Variants in CACNB4 observed in about 807,000 individuals in gnomAD.
CACNB4 encodes the protein voltage-dependent L-type calcium channel subunit beta-4.
Under a neutral mutation model 71.2 loss-of-function variants are expected in CACNB4, and 32 were observed. The ratio of observed to expected loss-of-function variants is 0.45; its 90% CI spans 0.34 to 0.60. CACNB4 has a LOEUF of 0.60. Ranked by LOEUF, CACNB4 falls within the 20% of genes least tolerant of loss-of-function variation. The pLI is 0.01. For missense variants in CACNB4, 464 were observed against 647.9 expected (o/e 0.72, Z 3.08); for synonymous variants, 231 against 236.9 (o/e 0.97, Z 0.23).
chr2:151,960,701 C>T (rs936452977), intron 2 of CACNB4, among the ~76,000 whole-genome samples: 9 of 152,198 alleles, frequency 5.9e-5, no homozygotes, highest in African/African-American at 2.2e-4. Context: ...TTTCTGCACT[C>T]AGGATTCCAG....
intron 2 of CACNB4, among the ~76,000 whole-genome samples, chr2:152,035,651 C>CTCTCTCTCTCTCTATATATA (rs796161186): frequency 1.0e-4 from 12 of 118,076 alleles, no homozygotes; most frequent in African/African-American, 3.6e-4. Flanking sequence ...CTCTCTCTCT[C>CTCTCTCTCTCTCTATATATA]TATATATATA....
At chr2:152,021,707 A>G (rs544265809) in intron 2 of CACNB4, among the ~76,000 whole-genome samples, 1 of 152,346 alleles carries the variant, frequency 6.6e-6, no homozygotes, top group South Asian at 2.1e-4. Context: ...TTAGATTTAG[A>G]CTTCACAGAA....
intron 2 of CACNB4, among the ~76,000 whole-genome samples, chr2:151,948,710 T>C (rs1372666340): frequency 2.0e-5 from 3 of 151,916 alleles, no homozygotes; most frequent in Non-Finnish European, 4.4e-5. Flanking sequence ...GAAGCAGCAG[T>C]TCCTGCCAAG....
chr2:151,897,149 C>T (rs1327752079), intron 2 of CACNB4, among the ~76,000 whole-genome samples: 2 of 152,230 alleles, frequency 1.3e-5, no homozygotes, highest in African/African-American at 4.8e-5. Context: ...CTCTCCAAAG[C>T]TCTTTCGAGG....
chr2:151,909,237 C>G (rs954065509), intron 2 of CACNB4, among the ~76,000 whole-genome samples: 1 of 150,878 alleles, frequency 6.6e-6, no homozygotes, highest in African/African-American at 2.4e-5. Context: ...TCAAGACCAG[C>G]CTGGCCAACG....
intron 2 of CACNB4, chr2:151,972,339 G>A (rs1392106304): frequency 6.6e-6 from 1 of 152,238 alleles, no homozygotes; most frequent in Non-Finnish European, 1.5e-5. Flanking sequence ...AGTGAGCAGA[G>A]AAGGGGTAGA....
Position 152,098,242 on chromosome 2 carries a change from C to T in CACNB4, c.147+88G>A. 2.9e-6 allele frequency: 3 copies of T among 1,051,950 alleles called. No individual in the cohort carries two copies. The highest frequency in any genetic ancestry group is 4.4e-6 in the Non-Finnish European group (3 of 681,936). The allele number at this position is 1,051,950 out of a possible 1,614,324, so 65.2% of individuals were successfully genotyped here. A position where few individuals can be genotyped will look rare whatever the true frequency, so the allele number is the denominator to read the frequency against. On this transcript the variant is annotated intron_variant, in intron 2 of 13. Coordinates refer to ENST00000539935, the MANE Select transcript of CACNB4 (RefSeq NM_000726.5). The surrounding 1 kb of genome is among the most constrained non-coding windows in gnomAD (Gnocchi z 5.3). ...GCGCGCGGGCTTGACCCGCAGCTCC[C>T]GCACGTGTGGGCCACGGCCGGCTCC...
chr2:152,065,234 A>G (rs1686243921), intron 2 of CACNB4, among the ~76,000 whole-genome samples: 1 of 152,100 alleles, frequency 6.6e-6, no homozygotes, highest in Non-Finnish European at 1.5e-5. Flanking sequence ...AATACCAAAA[A>G]TTAGCTGGGT....
chr2:151,918,826 C>T (rs561410488), intron 2 of CACNB4, among the ~76,000 whole-genome samples: 3 of 152,224 alleles, frequency 2.0e-5, no homozygotes, highest in African/African-American at 7.2e-5. Flanking sequence ...GGCAGCACAT[C>T]CAGAGATGCA....
chr2:152,030,618 C>T (rs1684233497), intron 2 of CACNB4, among the ~76,000 whole-genome samples: 1 of 152,136 alleles, frequency 6.6e-6, no homozygotes, highest in South Asian at 2.1e-4. Flanking sequence ...ACTTGACAGG[C>T]CCCAGTGTGT....
At chr2:152,032,246 C>T (rs961160956) in intron 2 of CACNB4, among the ~76,000 whole-genome samples, 3 of 152,100 alleles carry the variant, frequency 2.0e-5, no homozygotes, top group African/African-American at 7.2e-5. Context: ...CTTTGCTCCA[C>T]GGATAAGAAA....
Position 151,950,076 on chromosome 2 carries a change from A to G in CACNB4, c.148-66706T>C, listed in dbSNP as rs753332111. 1.6e-4 allele frequency among the ~76,000 whole-genome samples: 24 copies of G among 152,108 alleles called. No homozygotes were observed. In the South Asian group the frequency reaches 1.9e-3, roughly 12 times the overall value. On this transcript the variant is annotated intron_variant, in intron 2 of 13. Coordinates refer to ENST00000539935, the MANE Select transcript of CACNB4 (RefSeq NM_000726.5). ...AAATAAAAAATAAAATAAAAATAGA[A>G]AATAGTCTTCTGAGAGGAAACCACC...
At chr2:151,943,418 A>G (rs533943502) in intron 2 of CACNB4, among the ~76,000 whole-genome samples, 223 of 152,324 alleles carry the variant, frequency 1.5e-3, no homozygotes, top group Non-Finnish European at 2.3e-3. Context: ...ACACTCACAC[A>G]TAAGATGACA....
intron 2 of CACNB4, among the ~76,000 whole-genome samples, chr2:151,920,547 G>C (rs114338543): frequency 6.6e-6 from 1 of 151,692 alleles, no homozygotes; most frequent in Non-Finnish European, 1.5e-5. Context: ...ATGTTTCCCT[G>C]GCTAGTCCTG....
At position 151,883,294 on chromosome 2, in the gene CACNB4, T is replaced by C. The variant is rs768432957; in HGVS notation, c.224A>G (p.Gln75Arg). 38 of 1,613,824 alleles carry C rather than the reference T, an allele frequency of 2.4e-5. No individual in the cohort carries two copies. Among genetic ancestry groups the C allele is most frequent in the Non-Finnish European group, 3.1e-5 (36 of 1,179,816 alleles). ...GATAGCTGCTTGCTGTTCTCTCTCC[T>C]GTCGAATTGCTTCCCGGTCCTCTTC... ...SLEEDREAIRQEREQQAAIQL... is the reference protein window; with the variant it reads ...SLEEDREAIRREREQQAAIQL... Residue 75 changes from glutamine to arginine, a missense_variant, in exon 3 of 14, where the codon CAG becomes CGG. Gln to Arg is a conservative substitution (Grantham distance 43). Coordinates refer to ENST00000539935, the MANE Select transcript of CACNB4 (RefSeq NM_000726.5).
Position 151,982,447 on chromosome 2 carries a change from C to A in CACNB4, c.148-99077G>T, listed in dbSNP as rs932750962. ...AGGAGATTTAGACCATCCTGGCTAA[C>A]ACAGTGAAACCCTGTCTCTACTAAA... On this transcript the variant is annotated intron_variant, in intron 2 of 13. Coordinates refer to ENST00000539935, the MANE Select transcript of CACNB4 (RefSeq NM_000726.5). Among the ~76,000 whole-genome samples, 6 of 152,096 alleles carry A rather than the reference C, an allele frequency of 3.9e-5. No homozygotes were observed. In the East Asian group the frequency reaches 1.2e-3, roughly 30 times the overall value.
intron 2 of CACNB4, among the ~76,000 whole-genome samples, chr2:151,933,639 A>G (rs1419187467): frequency 6.6e-6 from 1 of 152,050 alleles, no homozygotes; most frequent in Non-Finnish European, 1.5e-5. Context: ...TACTACTTCT[A>G]CTCAGGCTCC....
chr2:151,845,148 T>C (rs1465987143), intron 12 of CACNB4, among the ~76,000 whole-genome samples: 3 of 152,200 alleles, frequency 2.0e-5, no homozygotes, highest in Non-Finnish European at 4.4e-5. Context: ...GCACATTTAA[T>C]TGCCATAAGT....
chr2:151,949,723 G>A (rs1450406691), intron 2 of CACNB4, among the ~76,000 whole-genome samples: 1 of 152,140 alleles, frequency 6.6e-6, no homozygotes, highest in Non-Finnish European at 1.5e-5. Flanking sequence ...TTTCATATAG[G>A]TAAATAACAT....
Sources: allele counts gnomAD v4.1 joint callset (sites outside exome capture counted in the v4.1 genomes callset), GRCh38; gene constraint gnomAD v4.1.1; non-coding constraint Gnocchi (gnomAD v3.1); transcripts MANE v1.5; gene names NCBI Gene and HGNC (gene_info 2026-07-23, HGNC 2026-07-21).